The following MITF variants were observed in gnomAD, a reference collection of about 807,000 sequenced individuals.
MITF encodes the protein melanocyte inducing transcription factor.
A neutral mutation model predicts 60.5 loss-of-function variants in MITF; 17 were observed. The ratio of observed to expected loss-of-function variants is 0.28; its 90% CI spans 0.19 to 0.42. MITF has a LOEUF of 0.42. Among genes scored for constraint, MITF ranks in the 10% least tolerant of loss-of-function variants. MITF has a pLI of 1.00. For synonymous variants in MITF, 260 were observed against 248.5 expected (o/e 1.05, Z -0.43); for missense variants, 622 against 683.5 (o/e 0.91, Z 1.00).
chr3:69,920,901 T>C (rs1405832832), intron 2 of MITF, among the ~76,000 whole-genome samples: 1 of 152,198 alleles, frequency 6.6e-6, no homozygotes, highest in Non-Finnish European at 1.5e-5. Flanking sequence ...AGAGTCTCAC[T>C]CTGTTGCCCA....
chr3:69,739,709 G>C lies in MITF; in HGVS notation c.104+8G>C. ...TCAACCGCTGAAGAGCAGGTGAGTG[G>C]TGACAGCTGGGCAGAGGCGCACCGG... On this transcript the variant is annotated splice_region_variant and intron_variant, in intron 1 of 9. Coordinates refer to ENST00000352241, the MANE Select transcript of MITF (RefSeq NM_001354604.2). The C allele has an allele frequency of 6.4e-7, 1 of 1,558,586 alleles. No individual in the cohort carries two copies. The highest frequency in any genetic ancestry group is 8.7e-7 in the Non-Finnish European group (1 of 1,148,810).
chr3:69,939,521 A>G (rs886078317), intron 4 of MITF, among the ~76,000 whole-genome samples: 3 of 152,104 alleles, frequency 2.0e-5, no homozygotes, highest in Non-Finnish European at 4.4e-5. Context: ...TAGTAAAACC[A>G]AGATGTGTGT....
At chr3:69,740,961 C>T (rs1321348673) in intron 1 of MITF, among the ~76,000 whole-genome samples, 1 of 152,200 alleles carries the variant, frequency 6.6e-6, no homozygotes, top group South Asian at 2.1e-4. Flanking sequence ...GTGGAAAGTG[C>T]AGCCAGGTTT....
chr3:69,870,852 A>G (rs2064222013), intron 1 of MITF, among the ~76,000 whole-genome samples: 1 of 152,136 alleles, frequency 6.6e-6, no homozygotes, highest in African/African-American at 2.4e-5. Flanking sequence ...ACAAAGAGAA[A>G]ATAGGAAAAT....
intron 1 of MITF, among the ~76,000 whole-genome samples, chr3:69,749,056 G>T (rs1022951758): frequency 6.6e-6 from 1 of 152,112 alleles, no homozygotes; most frequent in African/African-American, 2.4e-5. Flanking sequence ...ATTTTTTACA[G>T]TTGGAGATTT....
chr3:69,747,919 A>G (rs903165372), intron 1 of MITF, among the ~76,000 whole-genome samples: 1 of 152,204 alleles, frequency 6.6e-6, no homozygotes, highest in African/African-American at 2.4e-5. Context: ...ATTGAGGATT[A>G]AAAAGGAAAG....
chr3:69,806,545 G>A (rs2063011792), intron 1 of MITF, among the ~76,000 whole-genome samples: 1 of 152,024 alleles, frequency 6.6e-6, no homozygotes, highest in African/African-American at 2.4e-5. Context: ...ACAAATTTTT[G>A]CATATAATCA....
At chr3:69,868,456 G>C (rs2064157951) in intron 1 of MITF, among the ~76,000 whole-genome samples, 1 of 152,024 alleles carries the variant, frequency 6.6e-6, no homozygotes, top group Admixed American at 6.6e-5. Flanking sequence ...TTCTTCCTCT[G>C]CTTTTTTATC....
intron 7 of MITF, among the ~76,000 whole-genome samples, chr3:69,952,156 C>G (rs577813887): frequency 6.6e-6 from 1 of 152,140 alleles, no homozygotes; most frequent in East Asian, 1.9e-4. Context: ...CTCTCTCTCT[C>G]TCTCTTTTTG....
intron 1 of MITF, among the ~76,000 whole-genome samples, chr3:69,801,757 G>A (rs1186488411): frequency 2.6e-5 from 4 of 152,172 alleles, no homozygotes; most frequent in Non-Finnish European, 5.9e-5. Flanking sequence ...CCTACTGGGT[G>A]ACAAACTGCA....
chr3:69,811,214 A>G (rs2063095388), intron 1 of MITF, among the ~76,000 whole-genome samples: 1 of 152,178 alleles, frequency 6.6e-6, no homozygotes, highest in African/African-American at 2.4e-5. Context: ...TTGGGCAGCT[A>G]GGGTTGAGAC....
intron 1 of MITF, among the ~76,000 whole-genome samples, chr3:69,752,815 G>T (rs1703983638): frequency 6.6e-6 from 1 of 152,116 alleles, no homozygotes; most frequent in Non-Finnish European, 1.5e-5. Context: ...AAAGTGTGTA[G>T]GACCTCCCTT....
At chr3:69,776,559 C>T (rs1271978731) in intron 1 of MITF, among the ~76,000 whole-genome samples, 1 of 152,152 alleles carries the variant, frequency 6.6e-6, no homozygotes, top group African/African-American at 2.4e-5. Context: ...TTGATAACAA[C>T]TTGTGGTTCA....
intron 1 of MITF, among the ~76,000 whole-genome samples, chr3:69,740,458 G>A (rs755022579): frequency 5.9e-5 from 9 of 152,184 alleles, no homozygotes; most frequent in Non-Finnish European, 1.0e-4. Flanking sequence ...TGTTTAATTC[G>A]CTGGGGACTT....
chr3:69,903,067 C>A (rs572903832), intron 2 of MITF, among the ~76,000 whole-genome samples: 1 of 152,210 alleles, frequency 6.6e-6, no homozygotes, highest in East Asian at 1.9e-4. Context: ...AAAAAGACCA[C>A]AATCTATGGG....
At chr3:69,771,025 A>C (rs940393617) in intron 1 of MITF, among the ~76,000 whole-genome samples, 1 of 152,348 alleles carries the variant, frequency 6.6e-6, no homozygotes, top group East Asian at 1.9e-4. Context: ...CGTAACTGAC[A>C]GCAACCGCTT....
rs145332651 is a variant in MITF at position 69,829,310 on chromosome 3, G to C, written c.105-49824G>C. ...GGAACCTGCATCATGATGACAGAAAGTGATATAACTTCTGTTATTCTATAG... is the reference window on the plus strand; with the variant it reads ...GGAACCTGCATCATGATGACAGAAACTGATATAACTTCTGTTATTCTATAG... On this transcript the variant is annotated intron_variant, in intron 1 of 9. Transcript: ENST00000352241. 2.0e-3 allele frequency among the ~76,000 whole-genome samples: 310 copies of C among 152,274 alleles called. 1 individual carries two copies. The highest frequency in any genetic ancestry group is 6.8e-3 in the African/African-American group (281 of 41,552).
At chr3:69,845,442 C>CTTTTT (rs751773040) in intron 1 of MITF, among the ~76,000 whole-genome samples, 8 of 136,806 alleles carry the variant, frequency 5.8e-5, no homozygotes, top group Non-Finnish European at 9.3e-5. Flanking sequence ...TTTTTTCTTT[C>CTTTTT]TTTTTTTTTT....
At chr3:69,832,096 G>A (rs2063457669) in intron 1 of MITF, among the ~76,000 whole-genome samples, 1 of 152,212 alleles carries the variant, frequency 6.6e-6, no homozygotes, top group East Asian at 1.9e-4. Flanking sequence ...AACTTAGTGA[G>A]TGAATACAAT....
Sources: gnomAD v4.1 joint callset for allele counts (sites outside exome capture counted in the v4.1 genomes callset) on GRCh38, gnomAD v4.1.1 for gene constraint, MANE v1.5 for transcripts, NCBI Gene and HGNC (gene_info 2026-07-23, HGNC 2026-07-21) for gene names.